OLA1: variants seen among roughly 807,000 people sequenced by gnomAD.
OLA1 encodes the protein Obg like ATPase 1.
In OLA1, 14 loss-of-function variants were observed where a neutral mutation model predicts 48.4. That is an observed-to-expected ratio of 0.29 (90% CI 0.19 to 0.45). The LOEUF (loss-of-function observed/expected upper bound fraction) is 0.45, where lower values mean the gene tolerates loss of function less well. Ranked by LOEUF, OLA1 falls within the 20% of genes least tolerant of loss-of-function variation. The pLI is 1.00. For missense variants in OLA1, 325 were observed against 467.1 expected, an observed-to-expected ratio of 0.70 and a Z score of 2.80; for synonymous variants, 127 against 150.4, an observed-to-expected ratio of 0.84 and a Z score of 1.14.
intron 4 of OLA1, among the ~76,000 whole-genome samples, chr2:174,179,795 T>C (rs1458255875): frequency 6.6e-6 from 1 of 152,132 alleles, no homozygotes; most frequent in Non-Finnish European, 1.5e-5. Flanking sequence ...TGCTATCAAT[T>C]ATTAGACAGT....
intron 4 of OLA1, among the ~76,000 whole-genome samples, chr2:174,180,823 C>T (rs1365427313): frequency 6.6e-6 from 1 of 152,136 alleles, no homozygotes; most frequent in East Asian, 1.9e-4. Context: ...ATGATAAATG[C>T]CATAGTTTTA....
chr2:174,233,899 A>G (rs1234269181), intron 2 of OLA1, among the ~76,000 whole-genome samples: 2 of 152,232 alleles, frequency 1.3e-5, no homozygotes, highest in African/African-American at 4.8e-5. Flanking sequence ...TAGTGGGAAA[A>G]CTGGTGAAAT....
At chr2:174,174,062 A>C (rs1444618856) in intron 4 of OLA1, among the ~76,000 whole-genome samples, 9 of 150,534 alleles carry the variant, frequency 6.0e-5, no homozygotes, top group Non-Finnish European at 7.4e-5. Context: ...ACAAAAAAAA[A>C]CTCCACGCCT....
chr2:174,113,930 A>G (rs1239352401), intron 7 of OLA1, among the ~76,000 whole-genome samples: 1 of 152,108 alleles, frequency 6.6e-6, no homozygotes, highest in South Asian at 2.1e-4. Context: ...TGATAAGTAT[A>G]ATATCATACA....
intron 7 of OLA1, among the ~76,000 whole-genome samples, chr2:174,121,069 T>C (rs1297616073): frequency 1.3e-5 from 2 of 152,230 alleles, no homozygotes; most frequent in Admixed American, 6.5e-5. Context: ...AAGGATTTAG[T>C]AGTTAAAATG....
At chr2:174,188,636 T>A (rs758278687) in intron 4 of OLA1, among the ~76,000 whole-genome samples, 2 of 152,136 alleles carry the variant, frequency 1.3e-5, no homozygotes, top group Non-Finnish European at 2.9e-5. Flanking sequence ...GCATTTAAAT[T>A]CAGAGTCAGG....
At chr2:174,117,447 G>A (rs1321780280) in intron 7 of OLA1, among the ~76,000 whole-genome samples, 1 of 152,082 alleles carries the variant, frequency 6.6e-6, no homozygotes, top group Non-Finnish European at 1.5e-5. Flanking sequence ...CTCCTTGATA[G>A]TTTCTACTCC....
At chr2:174,247,815 G>A in intron 1 of OLA1, 2 of 1,546,458 alleles carry the variant, frequency 1.3e-6, no homozygotes, top group Non-Finnish European at 1.7e-6. Context: ...TTATTTACAA[G>A]TCGAAACTTT....
At chr2:174,079,679 T>G (rs1001077628) in intron 9 of OLA1, among the ~76,000 whole-genome samples, 1 of 151,846 alleles carries the variant, frequency 6.6e-6, no homozygotes, top group Non-Finnish European at 1.5e-5. Context: ...GGGAGAGAAA[T>G]GTCTTATAAT....
chr2:174,210,692 A>G (rs1688221233), intron 4 of OLA1, among the ~76,000 whole-genome samples: 1 of 152,192 alleles, frequency 6.6e-6, no homozygotes, highest in South Asian at 2.1e-4. Flanking sequence ...CAAGTAGATG[A>G]CTACTGATTA....
chr2:174,213,210 C>T (rs1435272132), intron 4 of OLA1, among the ~76,000 whole-genome samples: 1 of 152,136 alleles, frequency 6.6e-6, no homozygotes, highest in Non-Finnish European at 1.5e-5. Context: ...ATATGAGACC[C>T]TCCTACTATA....
At chr2:174,181,516 CAT>C (rs1252513890) in intron 4 of OLA1, among the ~76,000 whole-genome samples, 7 of 152,138 alleles carry the variant, frequency 4.6e-5, no homozygotes, top group African/African-American at 1.7e-4. Flanking sequence ...ACAGCAGGAT[CAT>C]AGTCCTATAT....
intron 4 of OLA1, among the ~76,000 whole-genome samples, chr2:174,217,569 G>A (rs1346027884): frequency 2.6e-5 from 4 of 152,118 alleles, no homozygotes; most frequent in Non-Finnish European, 4.4e-5. Context: ...TGCAAAAAGT[G>A]TACAGTCAGA....
intron 5 of OLA1, among the ~76,000 whole-genome samples, chr2:174,139,849 A>G (rs2105378934): frequency 7.1e-6 from 1 of 141,242 alleles, no homozygotes; most frequent in East Asian, 2.1e-4. Flanking sequence ...TGGGCAACAG[A>G]GTGAGACTCA....
At chr2:174,153,196 A>G (rs1300086657) in intron 4 of OLA1, among the ~76,000 whole-genome samples, 1 of 152,218 alleles carries the variant, frequency 6.6e-6, no homozygotes, top group African/African-American at 2.4e-5. Flanking sequence ...GGGAGCAATC[A>G]AGCAAGGCTG....
chr2:174,199,122 A>C (rs1482868434), intron 4 of OLA1, among the ~76,000 whole-genome samples: 1 of 152,194 alleles, frequency 6.6e-6, no homozygotes, highest in African/African-American at 2.4e-5. Context: ...TACATACCAA[A>C]ATAATGGTTG....
intron 7 of OLA1, among the ~76,000 whole-genome samples, chr2:174,114,341 CAAAAAAAAAAAAAAAAAA>C (rs76471043): frequency 3.1e-4 from 19 of 60,644 alleles, no homozygotes; most frequent in Admixed American, 9.9e-4. Context: ...GACTCCGCCT[CAAAAAAAAAAAAAAAAAA>C]AAAAAAAAAA....
chr2:174,125,550 G>A (rs1212889662), intron 5 of OLA1, among the ~76,000 whole-genome samples: 1 of 152,132 alleles, frequency 6.6e-6, no homozygotes, highest in Non-Finnish European at 1.5e-5. Flanking sequence ...AATAGGGGAA[G>A]AAATTAAATT....
At chr2:174,197,436 T>G (rs1016202789) in intron 4 of OLA1, among the ~76,000 whole-genome samples, 347 of 152,136 alleles carry the variant, frequency 2.3e-3, no homozygotes, top group African/African-American at 7.9e-3. Context: ...TTTGTTGTTT[T>G]TTTTTTTTAT....
Sources: allele counts gnomAD v4.1 joint callset (sites outside exome capture counted in the v4.1 genomes callset), GRCh38; gene constraint gnomAD v4.1.1; transcripts MANE v1.5; gene names NCBI Gene and HGNC (gene_info 2026-07-23, HGNC 2026-07-21).